The following DENND2B variants were observed in gnomAD, a reference collection of about 807,000 sequenced individuals.
DENND2B encodes DENN domain containing 2B.
In DENND2B, 32 loss-of-function variants were observed where a neutral mutation model predicts 116.0. The observed-to-expected ratio is 0.28, with a 90% confidence interval of 0.21 to 0.37. The LOEUF (loss-of-function observed/expected upper bound fraction) is 0.37, where lower values mean the gene tolerates loss of function less well. DENND2B is among the 10% of genes least tolerant of loss of function. DENND2B has a pLI of 1.00. For missense variants in DENND2B, 1,276 were observed against 1,477.7 expected, an observed-to-expected ratio of 0.86 and a Z score of 2.24; for synonymous variants, 588 against 583.9, an observed-to-expected ratio of 1.01 and a Z score of -0.10.
intron 5 of DENND2B, among the ~76,000 whole-genome samples, chr11:8,717,353 C>T (rs929154393): frequency 1.3e-5 from 2 of 152,180 alleles, no homozygotes; most frequent in Non-Finnish European, 2.9e-5. Flanking sequence ...TGCAGAATGC[C>T]AAGACTCCCA....
At chr11:8,877,485 A>G (rs1341111859) in intron 2 of DENND2B, 1 of 152,092 alleles carries the variant, frequency 6.6e-6, no homozygotes, top group Non-Finnish European at 1.5e-5. Context: ...GTTGTCATCA[A>G]TTAGTTGTAA....
chr11:8,821,649 T>G (rs1275549889), intron 4 of DENND2B, among the ~76,000 whole-genome samples: 1 of 152,144 alleles, frequency 6.6e-6, no homozygotes, highest in Non-Finnish European at 1.5e-5. Flanking sequence ...ACGCTAATTA[T>G]GCATAATAAA....
upstream of DENND2B, chr11:8,811,658 TG>T: frequency 4.1e-6 from 1 of 244,722 alleles, no homozygotes; most frequent in Non-Finnish European, 7.8e-6. Flanking sequence ...TGTATCATTT[TG>T]TTTGATCCTC....
chr11:8,699,188 C>T (rs140997963), intron 15 of DENND2B, 25 bp downstream of exon 15: 1 of 1,541,052 alleles, frequency 6.5e-7, no homozygotes, highest in Non-Finnish European at 8.7e-7. Flanking sequence ...ACCCTTCCCC[C>T]CAGCTGGTTC....
chr11:8,833,080 G>A (rs1042789252), intron 4 of DENND2B, among the ~76,000 whole-genome samples: 1 of 152,236 alleles, frequency 6.6e-6, no homozygotes, highest in Admixed American at 6.5e-5. Flanking sequence ...AAACCGGAGG[G>A]GAAGCCCAAC....
At chr11:8,774,867 T>TG (rs201381088) in intron 1 of DENND2B, among the ~76,000 whole-genome samples, 2,207 of 151,108 alleles carry the variant, frequency 0.015, 29 homozygotes, top group Middle Eastern at 0.071. Context: ...TTTTTCGTTT[T>TG]TTTTTTTTAA....
At chr11:8,820,067 G>A (rs1469894323) in intron 4 of DENND2B, among the ~76,000 whole-genome samples, 1 of 152,122 alleles carries the variant, frequency 6.6e-6, no homozygotes, top group Non-Finnish European at 1.5e-5. Context: ...AATCATAAAG[G>A]TAGGTAAGAC....
At chr11:8,888,165 G>A (rs553948856) in intron 1 of DENND2B, among the ~76,000 whole-genome samples, 1 of 152,140 alleles carries the variant, frequency 6.6e-6, no homozygotes, top group East Asian at 1.9e-4. Flanking sequence ...CCTAAATTGT[G>A]GTTAATTTTG....
chr11:8,802,470 T>C (rs555268352), intron 1 of DENND2B, among the ~76,000 whole-genome samples: 3 of 152,272 alleles, frequency 2.0e-5, no homozygotes, highest in Admixed American at 2.0e-4. Flanking sequence ...ACTGCCTCAA[T>C]TTTACGGAAG....
chr11:8,774,089 G>A (rs1027145245), intron 1 of DENND2B: 164 of 984,152 alleles, frequency 1.7e-4, no homozygotes, highest in Non-Finnish European at 2.0e-4. Flanking sequence ...CTGTTGTACA[G>A]ATTGAGTAAG....
chr11:8,695,615 T>A, intron 18 of DENND2B, 66 bp from the exon 19 acceptor site: 1 of 1,408,236 alleles, frequency 7.1e-7, no homozygotes, highest in Non-Finnish European at 1.0e-6. Context: ...GAGGCCTACA[T>A]GAAGGGAACC....
chr11:8,840,610 G>A (rs1364291541), intron 3 of DENND2B, among the ~76,000 whole-genome samples: 1 of 152,120 alleles, frequency 6.6e-6, no homozygotes, highest in Non-Finnish European at 1.5e-5. Flanking sequence ...TACAAGAGGG[G>A]CTCTCCTAAA....
At chr11:8,868,977 A>AT (rs775629131) in intron 2 of DENND2B, among the ~76,000 whole-genome samples, 3 of 152,302 alleles carry the variant, frequency 2.0e-5, no homozygotes, top group South Asian at 2.1e-4. Flanking sequence ...AAATATTATG[A>AT]TTTTTTATGC....
intron 1 of DENND2B, among the ~76,000 whole-genome samples, chr11:8,770,951 C>T (rs2056750000): frequency 6.6e-6 from 1 of 152,224 alleles, no homozygotes; most frequent in Non-Finnish European, 1.5e-5. Context: ...CTCCTAGCCT[C>T]TCTGATAGCA....
At chr11:8,757,212 C>A in intron 1 of DENND2B, 1 of 402,004 alleles carries the variant, frequency 2.5e-6, no homozygotes, top group Non-Finnish European at 4.9e-6. Flanking sequence ...CTATAACAGC[C>A]ATAATAGCAA....
chr11:8,739,128 T>C (rs972383422), intron 2 of DENND2B, among the ~76,000 whole-genome samples: 2 of 152,236 alleles, frequency 1.3e-5, no homozygotes, highest in Admixed American at 1.3e-4. Context: ...AATGAAAATG[T>C]AAATAGTTAA....
At position 8,712,941 on chromosome 11, in the gene DENND2B, G is replaced by A. The variant is rs1015554304; in HGVS notation, c.1988-206C>T. On this transcript the variant is annotated intron_variant, in intron 8 of 19. Transcript: ENST00000313726. The surrounding 1 kb of genome is among the most constrained non-coding windows in gnomAD (Gnocchi z 4.4). ...ACTCTGCCCTGACACAGGAAGCTGC[G>A]GGCCTGGTCCTCCTGGAGCCTCTGG... Among the ~76,000 whole-genome samples, 4 of 152,194 alleles carry A rather than the reference G, an allele frequency of 2.6e-5. No homozygotes were observed. Among genetic ancestry groups the A allele is most frequent in the African/African-American group, 9.7e-5 (4 of 41,440 alleles).
chr11:8,788,102 T>C (rs1310409747), intron 1 of DENND2B, among the ~76,000 whole-genome samples: 1 of 152,146 alleles, frequency 6.6e-6, no homozygotes, highest in Non-Finnish European at 1.5e-5. Context: ...GGGTGGGTTC[T>C]CTGGACCACT....
Position 8,707,059 on chromosome 11 carries a change from A to G in DENND2B, c.2571+26T>C, listed in dbSNP as rs1288038943. On this transcript the variant is annotated intron_variant, in intron 13 of 19. Transcript: ENST00000313726. The surrounding 1 kb of genome is among the most constrained non-coding windows in gnomAD (Gnocchi z 4.8). ...TCCTGCCACCCCAGCCCGTAGCCCG[A>G]GAGAAGAGGGTGCAGAAATCCCTAC... The G allele has an allele frequency of 6.2e-7, 1 of 1,602,970 alleles. No individual in the cohort carries two copies. Among genetic ancestry groups the G allele is most frequent in the Admixed American group, 1.7e-5 (1 of 59,430 alleles).
Sources: gnomAD v4.1 joint callset for allele counts (sites outside exome capture counted in the v4.1 genomes callset) on GRCh38, gnomAD v4.1.1 for gene constraint, Gnocchi (gnomAD v3.1) non-coding constraint, MANE v1.5 for transcripts, NCBI Gene and HGNC (gene_info 2026-07-23, HGNC 2026-07-21) for gene names.